SHOX: variants seen among roughly 807,000 people sequenced by gnomAD.
SHOX encodes the protein short stature homeobox protein.
Under a neutral mutation model 29.6 loss-of-function variants are expected in SHOX, and 12 were observed. That is an observed-to-expected ratio of 0.41 (90% CI 0.26 to 0.66). The LOEUF (loss-of-function observed/expected upper bound fraction) is 0.66. Among genes scored for constraint, SHOX ranks in the 30% least tolerant of loss-of-function variants. The pLI is 0.35. For missense variants in SHOX, 499 were observed against 437.7 expected (o/e 1.14, Z -1.25); for synonymous variants, 214 against 200.6 (o/e 1.07, Z -0.57).
intron 4 of SHOX, among the ~76,000 whole-genome samples, chrX:644,089 C>T (rs1038449138): frequency 6.6e-6 from 1 of 152,056 alleles, no homozygotes; most frequent in African/African-American, 2.4e-5. Context: ...TGAATCCCTG[C>T]GAAGAGAGCG....
intron 5 of SHOX, among the ~76,000 whole-genome samples, chrX:658,368 T>A (rs2053176216): frequency 6.6e-6 from 1 of 152,166 alleles, no homozygotes; most frequent in African/African-American, 2.4e-5. Flanking sequence ...TTTAGAGTTG[T>A]AATTTTATAA....
At chrX:658,469 C>G (rs752519547) in intron 5 of SHOX, among the ~76,000 whole-genome samples, 1 of 144,972 alleles carries the variant, frequency 6.9e-6, no homozygotes, top group South Asian at 2.2e-4. Context: ...TCAAAAAGAA[C>G]TCTTTTTTTT....
intron 1 of SHOX, among the ~76,000 whole-genome samples, chrX:625,590 T>C (rs1044052405): frequency 1.3e-5 from 2 of 150,282 alleles, no homozygotes; most frequent in South Asian, 2.1e-4. Flanking sequence ...CTGTCTCTCT[T>C]TCTCTCTCTC....
exon 1 of SHOX, chrX:624,553 G>A (rs1456813303): frequency 2.0e-5 from 3 of 152,248 alleles, no homozygotes; most frequent in Non-Finnish European, 4.4e-5. Context: ...GGGGACGCCA[G>A]GACGCGAATG....
chrX:629,980 G>T (rs2052618001), upstream of SHOX, among the ~76,000 whole-genome samples: 1 of 152,206 alleles, frequency 6.6e-6, no homozygotes, highest in Non-Finnish European at 1.5e-5. Flanking sequence ...TGACAGCGCG[G>T]CGCTAAGGGA....
intron 2 of SHOX, among the ~76,000 whole-genome samples, chrX:636,740 CAT>C (rs776069703): frequency 6.6e-5 from 5 of 75,222 alleles, no homozygotes; most frequent in Non-Finnish European, 1.0e-4. Flanking sequence ...TATATATAAA[CAT>C]ATATATACAT....
chrX:638,436 CA>C (rs1161807240), intron 2 of SHOX, among the ~76,000 whole-genome samples: 1 of 152,024 alleles, frequency 6.6e-6, no homozygotes, highest in Non-Finnish European at 1.5e-5. Flanking sequence ...AGTGGCAGGT[CA>C]CCTGGATGGT....
At chrX:651,594 T>TA (rs754859715), downstream of SHOX, 48,658 of 163,088 alleles carry the variant, frequency 0.3, 6,540 homozygotes, top group African/African-American at 0.41. Context: ...ATTCAAGTGT[T>TA]AAAAAAAAAA....
upstream of SHOX, chrX:630,461 T>C: frequency 4.0e-6 from 1 of 248,116 alleles, no homozygotes; most frequent in South Asian, 5.6e-5. Flanking sequence ...TGTCTCTCTC[T>C]GCAGGAAAAC....
chrX:627,203 C>A (rs1481310444), upstream of SHOX, among the ~76,000 whole-genome samples: 1 of 152,166 alleles, frequency 6.6e-6, no homozygotes. Context: ...AATGTCAATG[C>A]AAAACATTTC....
Position 641,037 on chromosome X carries a change from C to A in SHOX, c.583C>A (p.Arg195=), listed in dbSNP as rs137852552. 6.2e-7 allele frequency: 1 copy of A among 1,613,838 alleles called. No homozygotes were observed. The highest frequency in any genetic ancestry group is 1.7e-4 in the Middle Eastern group (1 of 6,034). The stretch of plus-strand genomic sequence containing the variant: ...CACAGCCAACCACCTAGACGCCTGC[C>A]GAGTGGCACCCTACGTCAACATGGG... ...LGTANHLDAC[R]VAPYVNMGAL... is the part of the protein sequence containing the mutation. Residue 195 remains arginine, a synonymous_variant, in exon 4 of 5, where the codon CGA becomes AGA. Coordinates refer to ENST00000686671, the MANE Select transcript of SHOX (RefSeq NM_000451.4).
At position 630,923 on chromosome X, in the gene SHOX, C is replaced by T. The variant is rs745371572; in HGVS notation, c.26C>T (p.Ser9Phe). Residue 9 changes from serine (S) to phenylalanine (F), a missense_variant, in exon 1 of 5, where the codon TCC becomes TTC. By Grantham distance (155) the Ser-to-Phe change is radical. Coordinates refer to ENST00000686671, the MANE Select transcript of SHOX (RefSeq NM_000451.4). ...ATGGAAGAGCTCACGGCTTTTGTAT[C>T]CAAGTCTTTTGACCAGAAAAGCAAG... is the stretch of plus-strand genomic sequence containing the variant. MEELTAFV[S>F]KSFDQKSKDG... 1 of 1,613,730 alleles carries T rather than the reference C, an allele frequency of 6.2e-7. No homozygotes were observed. Among genetic ancestry groups the T allele is most frequent in the African/African-American group, 1.3e-5 (1 of 75,048 alleles).
chrX:652,361 T>C (rs997522618), downstream of SHOX, among the ~76,000 whole-genome samples: 3 of 126,886 alleles, frequency 2.4e-5, no homozygotes, highest in African/African-American at 8.8e-5. Context: ...TTTTTTTGCA[T>C]AGATTTTTCT....
upstream of SHOX, among the ~76,000 whole-genome samples, chrX:627,078 C>G (rs1232967937): frequency 6.6e-6 from 1 of 152,076 alleles, no homozygotes; most frequent in Non-Finnish European, 1.5e-5. Context: ...CTCTTTTTCT[C>G]TCTCTCCCTG....
At chrX:653,877 A>G (rs1356521234), downstream of SHOX, among the ~76,000 whole-genome samples, 1 of 152,012 alleles carries the variant, frequency 6.6e-6, no homozygotes, top group Non-Finnish European at 1.5e-5. Flanking sequence ...GACCAAACAC[A>G]CGGAGATAAG....
chrX:636,166 C>A, intron 2 of SHOX, among the ~76,000 whole-genome samples: 1 of 146,316 alleles, frequency 6.8e-6, no homozygotes, highest in Middle Eastern at 3.7e-3. Flanking sequence ...TATAAACATA[C>A]ATAAATGTAT....
At chrX:625,073 C>T (rs933569236) in intron 1 of SHOX, among the ~76,000 whole-genome samples, 3 of 131,522 alleles carry the variant, frequency 2.3e-5, no homozygotes, top group African/African-American at 8.7e-5. Flanking sequence ...CTCCCTCCCT[C>T]CTTCTCTCCC....
Position 644,401 on chromosome X carries a change from A to C in SHOX, c.644A>C (p.Gln215Pro). 6.6e-7 allele frequency: 1 copy of C among 1,522,378 alleles called. No individual in the cohort carries two copies. The highest frequency in any genetic ancestry group is 8.8e-7 in the Non-Finnish European group (1 of 1,142,448). The allele number at this position is 1,522,378 out of a possible 1,614,324, so 94.3% of individuals were successfully genotyped here. The change falls in exon 5 of 5, where the codon CAG becomes CCG. Residue 215 changes from glutamine to proline, a missense_variant. Coordinates refer to ENST00000686671, the MANE Select transcript of SHOX (RefSeq NM_000451.4). ...LRMPFQQVQA[Q>P]LQLEGVAHAH... The stretch of plus-strand genomic sequence containing the variant: ...GGTCCGCTCCCGCAGGTCCAGGCTC[A>C]GCTGCAGCTGGAAGGCGTGGCCCAC...
chrX:625,840 TTCTCTGTCTCTGTA>T (rs1292827874), upstream of SHOX, among the ~76,000 whole-genome samples: 1 of 138,878 alleles, frequency 7.2e-6, no homozygotes, highest in Non-Finnish European at 1.6e-5. Flanking sequence ...TCCTCTCTTT[TTCTCTGTCTCTGTA>T]TCTCTGTCTA....
Sources: allele counts gnomAD v4.1 joint callset (sites outside exome capture counted in the v4.1 genomes callset), GRCh38; gene constraint gnomAD v4.1.1; transcripts MANE v1.5; gene names NCBI Gene and HGNC (gene_info 2026-07-23, HGNC 2026-07-21).